The following SEMA3C variants were observed in gnomAD, a reference collection of about 807,000 sequenced individuals.
SEMA3C encodes the protein semaphorin 3C, also known as semaphorin-3C.
In SEMA3C, 47 loss-of-function variants were observed where a neutral mutation model predicts 89.4. The observed-to-expected ratio is 0.53, with a 90% CI of 0.42 to 0.67. SEMA3C has a LOEUF of 0.67. Ranked by LOEUF, SEMA3C falls within the 30% of genes least tolerant of loss-of-function variation. The probability of loss-of-function intolerance (pLI) is 0.00; values close to 1 mark genes in which losing one functional copy is unlikely to be tolerated. For synonymous variants in SEMA3C, 310 were observed against 320.2 expected (o/e 0.97, Z 0.34); for missense variants, 839 against 929.1 (o/e 0.90, Z 1.26).
Position 80,780,660 on chromosome 7 carries a change from G to GA in SEMA3C, c.1354+8645dup, listed in dbSNP as rs550165201. ...GCACTTTGGGAGGCTGAGGTGGGCA[G>GA]ATGGCTTGAGCCCAGGAGTTCAAGA... On this transcript the variant is annotated intron_variant, in intron 12 of 17. Coordinates refer to ENST00000265361, the MANE Select transcript of SEMA3C (RefSeq NM_006379.5). 2.3e-3 allele frequency among the ~76,000 whole-genome samples: 348 copies of GA among 152,276 alleles called. 1 individual carries two copies. Among genetic ancestry groups the GA allele is most frequent in the African/African-American group, 8.1e-3 (338 of 41,568 alleles).
At chr7:80,835,003 C>T (rs1034224220) in intron 2 of SEMA3C, among the ~76,000 whole-genome samples, 1 of 152,120 alleles carries the variant, frequency 6.6e-6, no homozygotes, top group African/African-American at 2.4e-5. Flanking sequence ...GTGATACCTA[C>T]AATTCAGAGT....
rs1294076895 is a variant in SEMA3C, at chr7:80,787,284, T to C, written c.1354+2022A>G. On this transcript the variant is annotated intron_variant, in intron 12 of 17. Coordinates refer to ENST00000265361, the MANE Select transcript of SEMA3C (RefSeq NM_006379.5). Reference sequence around the variant, plus strand: ...GCATGCGCTTGTAATCCCAGCAACTTGGGAGGCTGAAGCAGGAGAATATCT... The same window carrying C: ...GCATGCGCTTGTAATCCCAGCAACTCGGGAGGCTGAAGCAGGAGAATATCT... Among the ~76,000 whole-genome samples, 4 of 150,622 alleles carry C rather than the reference T, an allele frequency of 2.7e-5. No homozygotes were observed. The East Asian group carries it at 7.8e-4, about 30-fold the overall frequency.
At chr7:80,801,409 AC>A (rs1385043221) in intron 9 of SEMA3C, among the ~76,000 whole-genome samples, 2 of 152,060 alleles carry the variant, frequency 1.3e-5, no homozygotes, top group Non-Finnish European at 2.9e-5. Context: ...AGCTCCTCTA[AC>A]AAAAAGATGT....
At chr7:80,860,448 T>C (rs1324568457) in intron 2 of SEMA3C, among the ~76,000 whole-genome samples, 1 of 152,110 alleles carries the variant, frequency 6.6e-6, no homozygotes, top group African/African-American at 2.4e-5. Context: ...GGACATACAA[T>C]AGATCCAACT....
At chr7:80,898,667 G>A (rs1054409359) in intron 2 of SEMA3C, among the ~76,000 whole-genome samples, 9 of 148,890 alleles carry the variant, frequency 6.0e-5, no homozygotes, top group Non-Finnish European at 8.8e-5. Context: ...ATCAGGACAC[G>A]CAGGTAGGGA....
intron 2 of SEMA3C, among the ~76,000 whole-genome samples, chr7:80,872,796 T>TAAA (rs1290797527): frequency 1.2e-5 from 1 of 83,484 alleles, no homozygotes; most frequent in Non-Finnish European, 2.2e-5. Flanking sequence ...CGAGACTCTG[T>TAAA]CAAAAAAAAA....
At chr7:80,819,235 A>AG (rs11273973) in intron 4 of SEMA3C, among the ~76,000 whole-genome samples, 13,072 of 152,188 alleles carry the variant, frequency 0.086, 579 homozygotes, top group African/African-American at 0.1. Context: ...TTAAAACAAC[A>AG]TGGCTTATTC....
chr7:80,886,969 T>G (rs1583980006), intron 2 of SEMA3C, among the ~76,000 whole-genome samples: 3 of 152,162 alleles, frequency 2.0e-5, no homozygotes, highest in African/African-American at 7.2e-5. Context: ...AACACTAAAG[T>G]CTTGAAATGT....
rs3778678 is a variant in SEMA3C, at chr7:80,785,885, G to A, written c.1354+3421C>T. Among the ~76,000 whole-genome samples the A allele has an allele frequency of 7.8e-4, 119 of 152,326 alleles. No homozygotes were observed. In the East Asian group the frequency reaches 0.022, roughly 29 times the overall value. On this transcript the variant is annotated intron_variant, in intron 12 of 17. Coordinates refer to ENST00000265361, the MANE Select transcript of SEMA3C (RefSeq NM_006379.5). ...GGCCTCCCAAAGTGCTGGGATTACA[G>A]GCGTGAGCCACTGTGCCTGGCCACA... is the stretch of plus-strand genomic sequence containing the variant.
intron 15 of SEMA3C, among the ~76,000 whole-genome samples, chr7:80,752,793 A>G (rs1253445860): frequency 2.6e-5 from 4 of 152,086 alleles, no homozygotes; most frequent in Non-Finnish European, 4.4e-5. Context: ...AGCATCACAC[A>G]TTGTTAAAAG....
chr7:80,788,709 C>T (rs1226584414), intron 12 of SEMA3C, among the ~76,000 whole-genome samples: 1 of 152,020 alleles, frequency 6.6e-6, no homozygotes, highest in African/African-American at 2.4e-5. Context: ...TTCAAAAAAC[C>T]TGTCTATATT....
chr7:80,857,649 G>A (rs1583947675), intron 2 of SEMA3C, among the ~76,000 whole-genome samples: 1 of 151,940 alleles, frequency 6.6e-6, no homozygotes, highest in Non-Finnish European at 1.5e-5. Flanking sequence ...CATTTAAATC[G>A]ATCAAAACTT....
At chr7:80,812,539 G>C (rs577213647) in intron 5 of SEMA3C, among the ~76,000 whole-genome samples, 1 of 152,278 alleles carries the variant, frequency 6.6e-6, no homozygotes, top group South Asian at 2.1e-4. Context: ...AAATAAGTGA[G>C]AGTTCGTCTT....
intron 8 of SEMA3C, 125 bp from the exon 9 acceptor site, chr7:80,802,904 T>G (rs1481206838): frequency 1.8e-6 from 1 of 567,802 alleles, no homozygotes; most frequent in African/African-American, 1.9e-5. Flanking sequence ...TAACCACTTC[T>G]GCACATCAGT....
chr7:80,881,736 T>C (rs1255892543), intron 2 of SEMA3C, among the ~76,000 whole-genome samples: 2 of 152,184 alleles, frequency 1.3e-5, no homozygotes, highest in Non-Finnish European at 2.9e-5. Context: ...AGATTCATAT[T>C]GTTCCTTATG....
chr7:80,769,597 G>A (rs1163623343), intron 12 of SEMA3C, among the ~76,000 whole-genome samples: 2 of 152,068 alleles, frequency 1.3e-5, no homozygotes, highest in African/African-American at 2.4e-5. Flanking sequence ...AGTGGCTCAC[G>A]CCTGTAATCC....
At position 80,742,567 on chromosome 7, in the gene SEMA3C, G is replaced by A. The variant is rs1228253150; in HGVS notation, c.*2327C>T. 6.6e-6 allele frequency: 1 copy of A among 151,930 alleles called. No homozygotes were observed. Among genetic ancestry groups the A allele is most frequent in the Non-Finnish European group, 1.5e-5 (1 of 67,870 alleles). 9.4% of individuals were successfully genotyped at this position (151,930 alleles called of 1,614,324 possible). ...GAATTCAACATGTTTTATTTTGCCA[G>A]GCCAATGATTTCATCAATATCCAAT... On this transcript the variant is annotated 3_prime_UTR_variant, in exon 18 of 18. Transcript: ENST00000265361.
chr7:80,754,949 T>TTTTTTTTTGTTG (rs1788023549), intron 15 of SEMA3C, among the ~76,000 whole-genome samples: 5 of 102,380 alleles, frequency 4.9e-5, no homozygotes, highest in East Asian at 4.0e-4. Context: ...GGCGAATTGT[T>TTTTTTTTTGTTG]TTTTTTTGTT....
At chr7:80,881,471 C>T (rs1791338643) in intron 2 of SEMA3C, among the ~76,000 whole-genome samples, 1 of 152,134 alleles carries the variant, frequency 6.6e-6, no homozygotes, top group Non-Finnish European at 1.5e-5. Context: ...TCTGAGTGCA[C>T]TCTGAGTTTT....
Sources: gnomAD v4.1 joint callset for allele counts (sites outside exome capture counted in the v4.1 genomes callset) on GRCh38, gnomAD v4.1.1 for gene constraint, MANE v1.5 for transcripts, NCBI Gene and HGNC (gene_info 2026-07-23, HGNC 2026-07-21) for gene names.